The following FAT4 variants were observed in gnomAD, a reference collection of about 807,000 sequenced individuals.
FAT4 encodes protocadherin Fat 4.
A neutral mutation model predicts 303.9 loss-of-function variants in FAT4; 84 were observed. The observed-to-expected ratio is 0.28, with a 90% CI of 0.23 to 0.33. FAT4 has a LOEUF of 0.33. FAT4 is among the 10% of genes least tolerant of loss of function. The pLI, the probability that FAT4 is intolerant of heterozygous loss-of-function variation, is 1.00. For synonymous variants in FAT4, 2,307 were observed against 2,298.8 expected (o/e 1.00, Z -0.10); for missense variants, 6,005 against 6,146.8 (o/e 0.98, Z 0.77).
intron 2 of FAT4, among the ~76,000 whole-genome samples, chr4:125,383,900 T>A (rs1382168741): frequency 6.6e-6 from 1 of 152,114 alleles, no homozygotes. Flanking sequence ...GTGACAAAAT[T>A]GTTGGAATAA....
chr4:125,415,894 C>T lies in FAT4; in HGVS notation c.6843+88C>T. ...CCTCTTCTACAGCGTTTACGCTTCC[C>T]CTGTTCTCTCCTCATTCTCATCCAT... On this transcript the variant is annotated intron_variant, in intron 6 of 17. Transcript: ENST00000394329. 4 of 949,866 alleles carry T rather than the reference C, an allele frequency of 4.2e-6. No homozygotes were observed. The South Asian group carries it at 7.2e-5, about 17-fold the overall frequency. 58.8% of individuals were successfully genotyped at this position (949,866 alleles called of 1,614,324 possible). A position where few individuals can be genotyped will look rare whatever the true frequency, so the allele number is the denominator to read the frequency against.
chr4:125,317,428 G>T lies in FAT4; in HGVS notation c.1017G>T (p.Ala339=), dbSNP rs370554535. ...CTTCCCTCACTGGGCGCGCCGAGGCGCTGATTCAGCTGCTGGACGTGAATG... is the reference window on the plus strand; with the variant it reads ...CTTCCCTCACTGGGCGCGCCGAGGCTCTGATTCAGCTGCTGGACGTGAATG... The part of the protein sequence containing the change: ...GVPSLTGRAE[A]LIQLLDVNDN... Residue 339 remains alanine, a synonymous_variant, in exon 2 of 18, where the codon GCG becomes GCT. Coordinates refer to ENST00000394329, the MANE Select transcript of FAT4 (RefSeq NM_001291303.3). This position sits in a 1 kb window ranked among gnomAD's most constrained non-coding sequence, Gnocchi z 7.0. 25 of 1,613,606 alleles carry T rather than the reference G, an allele frequency of 1.5e-5. No individual in the cohort carries two copies. The Admixed American group carries it at 3.2e-4, about 20-fold the overall frequency.
chr4:125,451,645 C>G lies in FAT4; in HGVS notation c.10635C>G (p.Pro3545=), dbSNP rs181032092. ...TDPDLPPNQG[P]FTYYLLSTGP... ...CTGATCTCCCTCCAAATCAAGGTCCCTTTACTTATTACTTGCTGAGCACAG... is the reference window on the plus strand; with the variant it reads ...CTGATCTCCCTCCAAATCAAGGTCCGTTTACTTATTACTTGCTGAGCACAG... Residue 3545 remains proline, a synonymous_variant, in exon 10 of 18, where the codon CCC becomes CCG. Coordinates refer to ENST00000394329, the MANE Select transcript of FAT4 (RefSeq NM_001291303.3). 5.0e-4 allele frequency: 812 copies of G among 1,614,130 alleles called. 5 individuals are homozygous for G. The highest frequency in any genetic ancestry group is 1.1e-4 in the Non-Finnish European group (133 of 1,180,012).
At chr4:125,429,229 C>T (rs1186676642) in intron 7 of FAT4, among the ~76,000 whole-genome samples, 1 of 152,046 alleles carries the variant, frequency 6.6e-6, no homozygotes, top group African/African-American at 2.4e-5. Context: ...TAGAAGTGTT[C>T]AATTATGTGA....
Position 125,316,612 on chromosome 4 carries a change from C to T in FAT4, c.201C>T (p.Arg67=), listed in dbSNP as rs1730609708. ...PGTLVGTIQT[R]PGFTYRLSES... ...CTCTGGTAGGCACCATCCAGACGCG[C>T]CCCGGCTTCACCTACAGGCTCAGCG... Residue 67 remains arginine (R), a synonymous_variant, in exon 2 of 18, where the codon CGC becomes CGT. Coordinates refer to ENST00000394329, the MANE Select transcript of FAT4 (RefSeq NM_001291303.3). The surrounding 1 kb of genome is among the most constrained non-coding windows in gnomAD (Gnocchi z 5.7). 3 of 1,613,972 alleles carry T rather than the reference C, an allele frequency of 1.9e-6. No homozygotes were observed. In the East Asian group the frequency reaches 6.7e-5, roughly 36 times the overall value.
intron 2 of FAT4, among the ~76,000 whole-genome samples, chr4:125,328,073 A>G (rs1409066413): frequency 6.6e-6 from 1 of 152,210 alleles, no homozygotes; most frequent in East Asian, 1.9e-4. Context: ...TAGGAAAAGA[A>G]TAACTGGCAG....
In FAT4 at chr4:125,492,115, G is replaced by A. The variant is rs565654323; in HGVS notation, c.*347G>A. ...AAAGAACTTGTGCTTTCCCAGTGGC[G>A]TATGTGTATTGTTTCAACTGTATTA... On this transcript the variant is annotated 3_prime_UTR_variant, in exon 18 of 18. Coordinates refer to ENST00000394329, the MANE Select transcript of FAT4 (RefSeq NM_001291303.3). 2.1e-4 allele frequency: 48 copies of A among 228,130 alleles called. No individual in the cohort carries two copies. Among genetic ancestry groups the A allele is most frequent in the African/African-American group, 8.5e-4 (37 of 43,674 alleles). 14.1% of individuals were successfully genotyped at this position (228,130 alleles called of 1,614,324 possible).
chr4:125,360,716 A>G (rs1461346664), intron 2 of FAT4, among the ~76,000 whole-genome samples: 2 of 152,104 alleles, frequency 1.3e-5, no homozygotes, highest in Non-Finnish European at 2.9e-5. Flanking sequence ...CCCCCTGACT[A>G]TACTCACAAA....
In FAT4 at chr4:125,452,876, A is replaced by G. The variant is rs1373503676; in HGVS notation, c.11800+66A>G. The G allele has an allele frequency of 6.1e-6, 9 of 1,486,856 alleles. No homozygotes were observed. In the East Asian group the frequency reaches 1.6e-4, roughly 26 times the overall value. The allele number at this position is 1,486,856 out of a possible 1,614,324, so 92.1% of individuals were successfully genotyped here. A position where few individuals can be genotyped will look rare whatever the true frequency, so the allele number is the denominator to read the frequency against. On this transcript the variant is annotated intron_variant, in intron 10 of 17. Coordinates refer to ENST00000394329, the MANE Select transcript of FAT4 (RefSeq NM_001291303.3). ...ATGTCAAGTATATTGAAACGAAATA[A>G]TTTTATCATTTTCCAATGATTTTCA...
chr4:125,381,567 C>T (rs982830), intron 2 of FAT4, among the ~76,000 whole-genome samples: 145,005 of 152,284 alleles, frequency 0.95, 69,418 homozygotes, highest in East Asian at 1. Context: ...ATGCTAACAG[C>T]TACCTGAGCC....
In FAT4 at chr4:125,450,193, C is replaced by T. The variant is rs1725999925; in HGVS notation, c.9183C>T (p.Val3061=). ...SDLNQNFFIT[V]TAKDKGNPPL... Reference sequence around the variant, plus strand: ...TGAACCAAAACTTTTTTATCACAGTCACTGCAAAGGATAAGGGAAACCCTC... The same window carrying T: ...TGAACCAAAACTTTTTTATCACAGTTACTGCAAAGGATAAGGGAAACCCTC... Residue 3061 remains valine, a synonymous_variant, in exon 10 of 18, where the codon GTC becomes GTT. Coordinates refer to ENST00000394329, the MANE Select transcript of FAT4 (RefSeq NM_001291303.3). 4.3e-6 allele frequency: 7 copies of T among 1,613,722 alleles called. No individual in the cohort carries two copies. Among genetic ancestry groups the T allele is most frequent in the Non-Finnish European group, 5.9e-6 (7 of 1,179,998 alleles).
Position 125,451,655 on chromosome 4 carries a change from T to G in FAT4, c.10645T>G (p.Tyr3549Asp), listed in dbSNP as rs758820577. ...LPPNQGPFTY[Y>D]LLSTGPATSY... Reference sequence around the variant, plus strand: ...TCCAAATCAAGGTCCCTTTACTTATTACTTGCTGAGCACAGGTCCTGCCAC... The same window carrying G: ...TCCAAATCAAGGTCCCTTTACTTATGACTTGCTGAGCACAGGTCCTGCCAC... Residue 3549 changes from tyrosine (Y) to aspartate (D), a missense_variant, in exon 10 of 18, where the codon TAC becomes GAC. Transcript: ENST00000394329. The G allele has an allele frequency of 6.2e-7, 1 of 1,614,146 alleles. No homozygotes were observed. The highest frequency in any genetic ancestry group is 1.3e-5 in the African/African-American group (1 of 75,036).
At chr4:125,414,489 A>G (rs192286068) in intron 5 of FAT4, among the ~76,000 whole-genome samples, 92 of 152,274 alleles carry the variant, frequency 6.0e-4, no homozygotes, top group Non-Finnish European at 1.2e-3. Flanking sequence ...TACAGCATTC[A>G]TGACTAATGC....
At chr4:125,381,504 A>G (rs1361594323) in intron 2 of FAT4, among the ~76,000 whole-genome samples, 1 of 152,222 alleles carries the variant, frequency 6.6e-6, no homozygotes, top group Non-Finnish European at 1.5e-5. Context: ...ATAACATTAC[A>G]TTTTTAAAAA....
At chr4:125,389,360 T>TTA (rs1338055650) in intron 2 of FAT4, among the ~76,000 whole-genome samples, 2 of 152,138 alleles carry the variant, frequency 1.3e-5, no homozygotes, top group Non-Finnish European at 2.9e-5. Flanking sequence ...TACTAAAGTG[T>TTA]TTCCTGTGAA....
chr4:125,363,024 A>G (rs1188050033), intron 2 of FAT4: 2 of 152,138 alleles, frequency 1.3e-5, no homozygotes, highest in Non-Finnish European at 2.9e-5. Context: ...AACTTTTAGA[A>G]CTCATTTGAA....
intron 10 of FAT4, among the ~76,000 whole-genome samples, chr4:125,458,933 A>G (rs1282209572): frequency 1.3e-5 from 2 of 152,020 alleles, no homozygotes; most frequent in Admixed American, 6.6e-5. Flanking sequence ...AAACATTTGC[A>G]TACTGTGCAA....
intron 16 of FAT4, among the ~76,000 whole-genome samples, chr4:125,482,929 G>T (rs1287048209): frequency 6.6e-6 from 1 of 152,164 alleles, no homozygotes; most frequent in African/African-American, 2.4e-5. Context: ...AACTAGGATA[G>T]ATTTTACCCC....
At position 125,388,962 on chromosome 4, in the gene FAT4, C is replaced by T. The variant is rs1733873692; in HGVS notation, c.5176-9822C>T. ...AAATCCCAGGAACATGTGCTGCTGA[C>T]TGTTAGAAGAGTTTTAGTGGTGAGA... On this transcript the variant is annotated intron_variant, in intron 2 of 17. Coordinates refer to ENST00000394329, the MANE Select transcript of FAT4 (RefSeq NM_001291303.3). 2.0e-5 allele frequency among the ~76,000 whole-genome samples: 3 copies of T among 152,054 alleles called. No homozygotes were observed. In the South Asian group the frequency reaches 6.2e-4, roughly 31 times the overall value.
Sources: allele counts gnomAD v4.1 joint callset (sites outside exome capture counted in the v4.1 genomes callset), GRCh38; gene constraint gnomAD v4.1.1; non-coding constraint Gnocchi (gnomAD v3.1); transcripts MANE v1.5; gene names NCBI Gene and HGNC (gene_info 2026-07-23, HGNC 2026-07-21).